Variants in FOCAD observed in about 807,000 individuals in gnomAD.
The protein encoded by FOCAD is KIAA1797.
Under a neutral mutation model 225.6 loss-of-function variants are expected in FOCAD, and 198 were observed. That is an observed-to-expected ratio of 0.88 (90% CI 0.78 to 0.99). FOCAD has a LOEUF of 0.99. FOCAD is among the 50% of genes least tolerant of loss of function. The pLI is 0.00. For synonymous variants in FOCAD, 897 were observed against 755.0 expected (o/e 1.19, Z -3.08); for missense variants, 2,713 against 2,123.6 (o/e 1.28, Z -5.46).
At chr9:20,734,271 C>G (rs912760260) in intron 4 of FOCAD, among the ~76,000 whole-genome samples, 11 of 152,100 alleles carry the variant, frequency 7.2e-5, no homozygotes, top group Non-Finnish European at 1.3e-4. Flanking sequence ...AAATCTTGGT[C>G]TTGGTTTCTG....
chr9:20,971,739 A>C (rs1220337207), intron 35 of FOCAD, among the ~76,000 whole-genome samples: 1 of 152,110 alleles, frequency 6.6e-6, no homozygotes, highest in East Asian at 1.9e-4. Flanking sequence ...TCTAGCCATT[A>C]AACAATAACT....
intron 1 of FOCAD, among the ~76,000 whole-genome samples, chr9:20,712,140 C>T (rs774015266): frequency 6.6e-6 from 1 of 152,162 alleles, no homozygotes; most frequent in Non-Finnish European, 1.5e-5. Context: ...GTTTAGATTC[C>T]TGTATTCGAC....
At chr9:20,803,532 T>A (rs1230205991) in intron 11 of FOCAD, among the ~76,000 whole-genome samples, 1 of 152,098 alleles carries the variant, frequency 6.6e-6, no homozygotes, top group African/African-American at 2.4e-5. Context: ...TGTGTTAGTG[T>A]TCCCTTTGAC....
At chr9:20,986,513 G>A in intron 40 of FOCAD, 48 bp downstream of exon 40, 1 of 1,493,390 alleles carries the variant, frequency 6.7e-7, no homozygotes, top group Non-Finnish European at 9.0e-7. Context: ...AGATCTGCCT[G>A]CTGTTGCTTT....
At position 20,953,002 on chromosome 9, in the gene FOCAD, T is replaced by A; in HGVS notation, c.4069T>A (p.Tyr1357Asn). ...SRASVPTDYS[Y>N]LPESSFIGAA... Reference sequence around the variant, plus strand: ...CTCCACAGTTCCTACTGACTATAGCTACTTGCCTGAAAGCAGTTTTATTGG... The same window carrying A: ...CTCCACAGTTCCTACTGACTATAGCAACTTGCCTGAAAGCAGTTTTATTGG... The change falls in exon 35 of 44, where the codon TAC becomes AAC. Residue 1357 changes from tyrosine (Y) to asparagine (N), a missense_variant. Physicochemically the swap from Tyr to Asn is moderately radical, Grantham distance 143 (BLOSUM62 -2). Coordinates refer to ENST00000338382, the MANE Select transcript of FOCAD (RefSeq NM_001375567.1). 6.2e-7 allele frequency: 1 copy of A among 1,613,660 alleles called. No homozygotes were observed. Among genetic ancestry groups the A allele is most frequent in the Non-Finnish European group, 8.5e-7 (1 of 1,179,746 alleles).
chr9:20,956,451 C>T (rs963869095), intron 35 of FOCAD, among the ~76,000 whole-genome samples: 2 of 152,186 alleles, frequency 1.3e-5, no homozygotes, highest in Admixed American at 6.5e-5. Flanking sequence ...CATGTCACCA[C>T]TTGGAGATAG....
At chr9:20,711,676 T>TAAA (rs1824864278) in intron 1 of FOCAD, among the ~76,000 whole-genome samples, 1 of 152,206 alleles carries the variant, frequency 6.6e-6, no homozygotes, top group Non-Finnish European at 1.5e-5. Context: ...ATAACTGGGG[T>TAAA]AAAATGAACT....
intron 24 of FOCAD, among the ~76,000 whole-genome samples, chr9:20,917,218 T>G (rs539564062): frequency 1.5e-4 from 23 of 152,204 alleles, no homozygotes; most frequent in African/African-American, 5.3e-4. Context: ...GACATGTGCT[T>G]TGGCTTAAAC....
At chr9:20,727,855 C>G (rs1413021965) in intron 4 of FOCAD, among the ~76,000 whole-genome samples, 1 of 152,160 alleles carries the variant, frequency 6.6e-6, no homozygotes, top group Admixed American at 6.5e-5. Context: ...TCTCTTCAAC[C>G]CAAACCCAAA....
intron 2 of FOCAD, among the ~76,000 whole-genome samples, chr9:20,663,252 C>T (rs1821788897): frequency 6.6e-6 from 1 of 151,964 alleles, no homozygotes; most frequent in African/African-American, 2.4e-5. Context: ...ATTAGTCAGA[C>T]ATGGTGGCAC....
chr9:20,660,373 C>G (rs184437366), intron 2 of FOCAD, among the ~76,000 whole-genome samples: 1 of 152,274 alleles, frequency 6.6e-6, no homozygotes, highest in East Asian at 1.9e-4. Flanking sequence ...CAAAGTTACT[C>G]TCAGCCAGGA....
At chr9:20,749,457 T>C (rs553795095) in intron 5 of FOCAD, among the ~76,000 whole-genome samples, 31 of 152,216 alleles carry the variant, frequency 2.0e-4, no homozygotes, top group Non-Finnish European at 4.3e-4. Flanking sequence ...ATTTCTTCTT[T>C]ATAGTGATAT....
intron 10 of FOCAD, among the ~76,000 whole-genome samples, chr9:20,783,398 C>T (rs1819600381): frequency 6.6e-6 from 1 of 151,738 alleles, no homozygotes; most frequent in Non-Finnish European, 1.5e-5. Flanking sequence ...TTTTCCTGCA[C>T]CTATCTGGAA....
At position 20,789,588 on chromosome 9, in the gene FOCAD, G is replaced by A; in HGVS notation, c.1435G>A (p.Ala479Thr). 6.2e-7 allele frequency: 1 copy of A among 1,613,914 alleles called. No individual in the cohort carries two copies. The highest frequency in any genetic ancestry group is 8.5e-7 in the Non-Finnish European group (1 of 1,179,926). The change falls in exon 11 of 44, where the codon GCC (alanine) becomes ACC (threonine). Residue 479 changes from alanine (A) to threonine (T), a missense_variant. Transcript: ENST00000338382. ...HQILKVTTEL[A>T]QADSSQVPNL... ...AATACTCAAGGTCACTACAGAATTA[G>A]CCCAAGCAGATTCCTCCCAGGTAAA... is the stretch of plus-strand genomic sequence containing the variant.
Position 20,987,996 on chromosome 9 carries a change from A to C in FOCAD, c.4907-336A>C, listed in dbSNP as rs531850705. ...AAAAACAAATAATTGTCAACAATTC[A>C]ACATTGCTAGTTAGTTGGCATGCCA... On this transcript the variant is annotated intron_variant, in intron 40 of 43. Transcript: ENST00000338382. Among the ~76,000 whole-genome samples the C allele has an allele frequency of 2.6e-3, 398 of 152,366 alleles. 7 individuals are homozygous for C. The highest frequency in any genetic ancestry group is 9.2e-3 in the African/African-American group (383 of 41,590).
intron 9 of FOCAD, among the ~76,000 whole-genome samples, chr9:20,780,730 A>G (rs947996518): frequency 9.9e-5 from 15 of 152,242 alleles, no homozygotes; most frequent in African/African-American, 3.6e-4. Context: ...ATTTAGATTT[A>G]TAATTTAGGC....
At chr9:20,744,536 A>G (rs1586994245) in intron 5 of FOCAD, among the ~76,000 whole-genome samples, 1 of 152,222 alleles carries the variant, frequency 6.6e-6, no homozygotes, top group South Asian at 2.1e-4. Flanking sequence ...TAAGGAGCAT[A>G]TGCCAAGTAT....
intron 16 of FOCAD, 66 bp downstream of exon 16, chr9:20,862,778 T>G (rs1828892029): frequency 6.5e-7 from 1 of 1,528,806 alleles, no homozygotes; most frequent in East Asian, 2.3e-5. Flanking sequence ...ATAATAACTT[T>G]TGGAATAAAT....
chr9:20,878,883 A>G (rs955984300), intron 19 of FOCAD, among the ~76,000 whole-genome samples: 1 of 152,160 alleles, frequency 6.6e-6, no homozygotes, highest in Non-Finnish European at 1.5e-5. Context: ...AAAGTCCTGT[A>G]GTTTAAAGGC....
Sources: gnomAD v4.1 joint callset for allele counts (sites outside exome capture counted in the v4.1 genomes callset) on GRCh38, gnomAD v4.1.1 for gene constraint, MANE v1.5 for transcripts, NCBI Gene and HGNC (gene_info 2026-07-23, HGNC 2026-07-21) for gene names.